Variants in SON observed in about 807,000 individuals in gnomAD.
The protein encoded by SON is protein SON.
Under a neutral mutation model 173.3 loss-of-function variants are expected in SON, and 4 were observed. That is an observed-to-expected ratio of 0.02 (90% CI 0.01 to 0.05). The LOEUF (loss-of-function observed/expected upper bound fraction) is 0.05. Ranked by LOEUF, SON falls within the 10% of genes least tolerant of loss-of-function variation. The pLI, the probability that SON is intolerant of heterozygous loss-of-function variation, is 1.00. For missense variants in SON, 2,626 were observed against 3,055.3 expected, an observed-to-expected ratio of 0.86 and a Z score of 3.31; for synonymous variants, 1,190 against 1,105.9, an observed-to-expected ratio of 1.08 and a Z score of -1.51.
chr21:33,575,585 T>G lies in SON; in HGVS notation c.7034-11T>G, dbSNP rs1315764709. On this transcript the variant is annotated splice_polypyrimidine_tract_variant and intron_variant, in intron 9 of 11. Transcript: ENST00000356577. ...TTTGAAATTTATTTAGTGAACAATT[T>G]TTTTTTAAAGGTCTTGTTGCAGTAG... 6.2e-7 allele frequency: 1 copy of G among 1,601,796 alleles called. No individual in the cohort carries two copies. Among genetic ancestry groups the G allele is most frequent in the East Asian group, 2.2e-5 (1 of 44,802 alleles).
In SON at chr21:33,554,923, A is replaced by G; in HGVS notation, c.5692A>G (p.Arg1898Gly). The G allele has an allele frequency of 1.2e-6, 2 of 1,614,202 alleles. No individual in the cohort carries two copies. The highest frequency in any genetic ancestry group is 1.7e-6 in the Non-Finnish European group (2 of 1,180,034). Residue 1898 changes from arginine (R) to glycine (G), a missense_variant, in exon 3 of 12, where the codon AGA (arginine) becomes GGA (glycine). By Grantham distance (125) the Arg-to-Gly change is moderately radical (BLOSUM62 -2). Coordinates refer to ENST00000356577, the MANE Select transcript of SON (RefSeq NM_138927.4). Reference sequence around the variant, plus strand: ...GAAGCGCAAAAGATCTCCAAAGCACAGATCCAAGTCTAGGGAAAGAAAAAG... The same window carrying G: ...GAAGCGCAAAAGATCTCCAAAGCACGGATCCAAGTCTAGGGAAAGAAAAAG... ...KEKRKRSPKH[R>G]SKSRERKRKR...
At chr21:33,543,211 G>A (rs774555121) in intron 1 of SON, 42 bp downstream of exon 1, 2 of 1,524,362 alleles carry the variant, frequency 1.3e-6, no homozygotes, top group Admixed American at 1.7e-5. Context: ...CGGACCGTTA[G>A]GCCCTCACCT....
At chr21:33,549,205 G>C (rs2085694875) in intron 2 of SON, among the ~76,000 whole-genome samples, 1 of 149,212 alleles carries the variant, frequency 6.7e-6, no homozygotes, top group Non-Finnish European at 1.5e-5. Context: ...CTCCCAAATA[G>C]CTGGGACTAC....
In SON at chr21:33,559,438, C is replaced by T; in HGVS notation, c.6468+62C>T. 1 of 1,516,608 alleles carries T rather than the reference C, an allele frequency of 6.6e-7. No homozygotes were observed. Among genetic ancestry groups the T allele is most frequent in the East Asian group, 2.3e-5 (1 of 43,998 alleles). 93.9% of individuals were successfully genotyped at this position (1,516,608 alleles called of 1,614,324 possible). On this transcript the variant is annotated intron_variant, in intron 5 of 11. Coordinates refer to ENST00000356577, the MANE Select transcript of SON (RefSeq NM_138927.4). The surrounding 1 kb of genome is among the most constrained non-coding windows in gnomAD (Gnocchi z 4.1). ...AACTTGTGGAACTATTTAAATAAAA[C>T]CCAAATCGAATTTAGTTTATTAATT...
chr21:33,566,671 GAT>G (rs1231434307), intron 6 of SON, among the ~76,000 whole-genome samples: 1 of 152,142 alleles, frequency 6.6e-6, no homozygotes, highest in Non-Finnish European at 1.5e-5. Context: ...AAGATACGCT[GAT>G]GAGTAAAGGA....
chr21:33,565,320 C>A (rs2145863877), intron 6 of SON, among the ~76,000 whole-genome samples: 1 of 152,232 alleles, frequency 6.6e-6, no homozygotes, highest in Non-Finnish European at 1.5e-5. Flanking sequence ...AGATTTTAGC[C>A]TTGTTAGAAT....
rs1339548009 is a variant in SON at position 33,551,002 on chromosome 21, A to C, written c.1771A>C (p.Thr591Pro). The change falls in exon 3 of 12, where the codon ACT becomes CCT. Residue 591 changes from threonine to proline, a missense_variant. By Grantham distance (38) the Thr-to-Pro change is conservative. Transcript: ENST00000356577. The stretch of plus-strand genomic sequence containing the variant: ...GGAGTTGTCGGGGCAGCCTGTGGCA[A>C]CTGGGGCACTAGAGTTGCCTGGGCC... ...ALELSGQPVA[T>P]GALELPGPLM... 3.7e-6 allele frequency: 6 copies of C among 1,605,868 alleles called. No homozygotes were observed. In the African/African-American group the frequency reaches 6.7e-5, roughly 18 times the overall value.
Position 33,551,344 on chromosome 21 carries a change from G to A in SON, c.2113G>A (p.Val705Met). 1.2e-6 allele frequency: 2 copies of A among 1,614,122 alleles called. No individual in the cohort carries two copies. The highest frequency in any genetic ancestry group is 1.7e-6 in the Non-Finnish European group (2 of 1,179,994). Residue 705 changes from valine (V) to methionine (M), a missense_variant, in exon 3 of 12, where the codon GTG becomes ATG. By Grantham distance (21) the Val-to-Met change is conservative. Around this residue, in one of 13 missense-constraint regions of SON, gnomAD observed 182 missense variants for 193.6 expected, o/e 0.94. Transcript: ENST00000356577. ...GGGGGAGACTTCTGTAACAGTAGGAGTGGATCCCTTGATGGCCCCAGAATC... is the reference window on the plus strand; with the variant it reads ...GGGGGAGACTTCTGTAACAGTAGGAATGGATCCCTTGATGGCCCCAGAATC... ...LVGETSVTVGVDPLMAPESHI... is the reference protein window; with the variant it reads ...LVGETSVTVGMDPLMAPESHI...
At chr21:33,574,754 T>C (rs998667334) in intron 9 of SON, among the ~76,000 whole-genome samples, 7 of 152,214 alleles carry the variant, frequency 4.6e-5, no homozygotes, top group African/African-American at 1.7e-4. Context: ...AACCTGTATA[T>C]GAATTGGGAA....
chr21:33,567,222 A>G lies in SON; in HGVS notation c.6723A>G (p.Ala2241=). The G allele has an allele frequency of 6.2e-7, 1 of 1,612,082 alleles. No individual in the cohort carries two copies. The highest frequency in any genetic ancestry group is 8.5e-7 in the Non-Finnish European group (1 of 1,178,204). ...ALAQKRLSEN[A]FDLEAMSMLN... ...CTCAGAAAAGACTCAGTGAGAATGC[A>G]TTTGATCTTGAAGCCATGAGCATGT... is the stretch of plus-strand genomic sequence containing the variant. Residue 2241 remains alanine (A), a synonymous_variant, in exon 7 of 12, where the codon GCA becomes GCG. Coordinates refer to ENST00000356577, the MANE Select transcript of SON (RefSeq NM_138927.4).
At chr21:33,570,838 T>C (rs2086268565) in intron 8 of SON, among the ~76,000 whole-genome samples, 1 of 152,184 alleles carries the variant, frequency 6.6e-6, no homozygotes, top group Admixed American at 6.5e-5. Context: ...TGTGCTTCCA[T>C]TACAAAATTT....
Position 33,552,052 on chromosome 21 carries a change from G to A in SON, c.2821G>A (p.Ala941Thr), listed in dbSNP as rs371997967. 1.4e-5 allele frequency: 22 copies of A among 1,613,938 alleles called. No homozygotes were observed. Among genetic ancestry groups the A allele is most frequent in the African/African-American group, 2.7e-5 (2 of 74,870 alleles). Residue 941 changes from alanine (A) to threonine (T), a missense_variant, in exon 3 of 12, where the codon GCT becomes ACT. Ala to Thr is a moderately conservative substitution (Grantham distance 58, BLOSUM62 0). This residue lies in a region of SON where 366 missense variants were observed against 448.6 expected (regional missense o/e 0.82). Transcript: ENST00000356577. The surrounding 1 kb of genome is among the most constrained non-coding windows in gnomAD (Gnocchi z 5.6). ...GHDPYRLGHDAYRLGQDPYRL... is the reference protein window; with the variant it reads ...GHDPYRLGHDTYRLGQDPYRL... Reference sequence around the variant, plus strand: ...TGACCCCTATAGATTAGGTCATGATGCTTACAGGTTAGGACAAGACCCTTA... The same window carrying A: ...TGACCCCTATAGATTAGGTCATGATACTTACAGGTTAGGACAAGACCCTTA...
chr21:33,574,709 C>G (rs1333235976), intron 9 of SON, among the ~76,000 whole-genome samples: 2 of 152,212 alleles, frequency 1.3e-5, no homozygotes, highest in Admixed American at 1.3e-4. Flanking sequence ...AACCGACACA[C>G]TTCTGGTCCC....
chr21:33,543,393 C>T (rs1601246821), intron 1 of SON: 9 of 587,368 alleles, frequency 1.5e-5, no homozygotes, highest in East Asian at 1.1e-4. Context: ...CCCAAGACTC[C>T]CTGTTTCAGA....
At chr21:33,545,265 A>C (rs1451440491) in intron 1 of SON, among the ~76,000 whole-genome samples, 1 of 152,212 alleles carries the variant, frequency 6.6e-6, no homozygotes, top group African/African-American at 2.4e-5. Flanking sequence ...GTAGTCAATA[A>C]ATGATAATTA....
chr21:33,572,504 A>G (rs1375662239), intron 8 of SON: 3 of 1,161,272 alleles, frequency 2.6e-6, no homozygotes, highest in Non-Finnish European at 3.5e-6. Flanking sequence ...GACTGTTCAC[A>G]GAATAACCTG....
At chr21:33,560,346 A>G (rs1284381684) in intron 6 of SON, 4 of 1,294,138 alleles carry the variant, frequency 3.1e-6, no homozygotes, top group Non-Finnish European at 3.9e-6. Context: ...TGGCCCTTTT[A>G]AATTCTTGTG....
Position 33,567,237 on chromosome 21 carries a change from C to T in SON, c.6738C>T (p.Ala2246=), listed in dbSNP as rs1290123222. The T allele has an allele frequency of 1.2e-6, 2 of 1,608,044 alleles. No homozygotes were observed. Among genetic ancestry groups the T allele is most frequent in the Admixed American group, 1.7e-5 (1 of 59,988 alleles). The change falls in exon 7 of 12, where the codon GCC becomes GCT. Residue 2246 remains alanine (A), a synonymous_variant. Transcript: ENST00000356577. ...RLSENAFDLE[A]MSMLNRAQER... is the part of the protein sequence containing the mutation. Reference sequence around the variant, plus strand: ...GTGAGAATGCATTTGATCTTGAAGCCATGAGCATGTTAAATAGAGCTCAGG... The same window carrying T: ...GTGAGAATGCATTTGATCTTGAAGCTATGAGCATGTTAAATAGAGCTCAGG...
chr21:33,559,505 C>A lies in SON; in HGVS notation c.6469-82C>A. The A allele has an allele frequency of 6.8e-7, 1 of 1,462,898 alleles. No individual in the cohort carries two copies. Among genetic ancestry groups the A allele is most frequent in the Non-Finnish European group, 9.3e-7 (1 of 1,079,682 alleles). The allele number at this position is 1,462,898 out of a possible 1,614,324, so 90.6% of individuals were successfully genotyped here. A position where few individuals can be genotyped will look rare whatever the true frequency, so the allele number is the denominator to read the frequency against. ...TGAGAAATAATGGATAATATCATTT[C>A]CTTCAGATTATGTAGAAAATCTCAA... is the stretch of plus-strand genomic sequence containing the variant. On this transcript the variant is annotated intron_variant, in intron 5 of 11. Coordinates refer to ENST00000356577, the MANE Select transcript of SON (RefSeq NM_138927.4). This position sits in a 1 kb window ranked among gnomAD's most constrained non-coding sequence, Gnocchi z 4.1.
Sources: gnomAD v4.1 joint callset for allele counts (sites outside exome capture counted in the v4.1 genomes callset) on GRCh38, gnomAD v4.1.1 for gene constraint, gnomAD v4.1.1 regional missense constraint, Gnocchi (gnomAD v3.1) non-coding constraint, MANE v1.5 for transcripts, NCBI Gene and HGNC (gene_info 2026-07-23, HGNC 2026-07-21) for gene names.